TRPC4: variants seen among roughly 807,000 people sequenced by gnomAD.
TRPC4 encodes the protein short transient receptor potential channel 4.
Under a neutral mutation model 99.4 loss-of-function variants are expected in TRPC4, and 49 were observed. That is an observed-to-expected ratio of 0.49 (90% CI 0.39 to 0.63). The LOEUF is 0.63. TRPC4 is among the 20% of genes least tolerant of loss of function. The pLI, the probability that TRPC4 is intolerant of heterozygous loss-of-function variation, is 0.00. For synonymous variants in TRPC4, 454 were observed against 425.9 expected (o/e 1.07, Z -0.81); for missense variants, 898 against 1,152.9 (o/e 0.78, Z 3.20).
intron 1 of TRPC4, among the ~76,000 whole-genome samples, chr13:37,848,738 G>A (rs1958978119): frequency 6.6e-6 from 1 of 152,120 alleles, no homozygotes; most frequent in African/African-American, 2.4e-5. Flanking sequence ...TGAGAAGGTG[G>A]TCCTGGTCAT....
chr13:37,712,267 A>G (rs538514954), intron 3 of TRPC4, among the ~76,000 whole-genome samples: 1 of 152,202 alleles, frequency 6.6e-6, no homozygotes, highest in East Asian at 1.9e-4. Flanking sequence ...GCTTTTCACT[A>G]TTACCCAATG....
chr13:37,687,746 T>C (rs765643616), intron 4 of TRPC4, among the ~76,000 whole-genome samples: 2 of 152,236 alleles, frequency 1.3e-5, no homozygotes, highest in Non-Finnish European at 2.9e-5. Flanking sequence ...TCTCTGATCT[T>C]CTAGCCTCGA....
rs1164443026 is a variant in TRPC4 at position 37,817,718 on chromosome 13, C to CA, written c.-27-34359dup. 3.4e-3 allele frequency among the ~76,000 whole-genome samples: 510 copies of CA among 149,222 alleles called. 2 individuals carry two copies. The highest frequency in any genetic ancestry group is 0.012 in the African/African-American group (480 of 40,730). On this transcript the variant is annotated intron_variant, in intron 1 of 10. Coordinates refer to ENST00000379705, the MANE Select transcript of TRPC4 (RefSeq NM_016179.4). ...AGAACAATGGAACAGAATAAAGAAC[C>CA]AAAAAAAAAGGCTGCACACCTACAA...
chr13:37,803,104 C>G (rs780680064), intron 1 of TRPC4, among the ~76,000 whole-genome samples: 3 of 151,842 alleles, frequency 2.0e-5, no homozygotes, highest in Non-Finnish European at 2.9e-5. Context: ...CCATTGGGAG[C>G]TTTTTCAGGT....
chr13:37,863,285 A>G (rs961605451), intron 1 of TRPC4, among the ~76,000 whole-genome samples: 5 of 151,634 alleles, frequency 3.3e-5, no homozygotes, highest in African/African-American at 9.7e-5. Flanking sequence ...AAATCTAACC[A>G]TTTTATAGGG....
intron 4 of TRPC4, among the ~76,000 whole-genome samples, chr13:37,684,095 G>A (rs1566093780): frequency 1.3e-5 from 2 of 152,100 alleles, no homozygotes; most frequent in African/African-American, 2.4e-5. Context: ...TTGACTTCCA[G>A]AATTGTTTCT....
chr13:37,641,210 ATT>A (rs1235171061), intron 8 of TRPC4, among the ~76,000 whole-genome samples: 1 of 152,172 alleles, frequency 6.6e-6, no homozygotes, highest in African/African-American at 2.4e-5. Context: ...CAAAGACTAC[ATT>A]TTAAATGGTA....
chr13:37,667,433 A>T (rs1952682548), intron 5 of TRPC4, among the ~76,000 whole-genome samples: 1 of 152,096 alleles, frequency 6.6e-6, no homozygotes, highest in African/African-American at 2.4e-5. Flanking sequence ...CAGCCTCCTG[A>T]GTAGCTGGGA....
intron 1 of TRPC4, among the ~76,000 whole-genome samples, chr13:37,826,894 C>T (rs368555043): frequency 2.0e-5 from 3 of 152,132 alleles, no homozygotes; most frequent in African/African-American, 4.8e-5. Flanking sequence ...ATTCTCTCCA[C>T]CACTTTCAGG....
At chr13:37,840,349 C>T (rs1347429449) in intron 1 of TRPC4, among the ~76,000 whole-genome samples, 1 of 152,050 alleles carries the variant, frequency 6.6e-6, no homozygotes, top group Admixed American at 6.6e-5. Context: ...AGTATTTAGA[C>T]AGTTACAAAC....
At chr13:37,773,670 T>G (rs1266456703) in intron 2 of TRPC4, among the ~76,000 whole-genome samples, 1 of 151,738 alleles carries the variant, frequency 6.6e-6, no homozygotes, top group Admixed American at 6.6e-5. Flanking sequence ...TGAAAGAACT[T>G]ACCACAAGGG....
At chr13:37,845,653 G>C (rs1358460045) in intron 1 of TRPC4, among the ~76,000 whole-genome samples, 1 of 149,934 alleles carries the variant, frequency 6.7e-6, no homozygotes, top group Non-Finnish European at 1.5e-5. Context: ...GAATGAAGAG[G>C]GTCTATAGGA....
chr13:37,854,071 A>T (rs534857380), intron 1 of TRPC4, among the ~76,000 whole-genome samples: 7 of 152,146 alleles, frequency 4.6e-5, no homozygotes, highest in African/African-American at 1.7e-4. Flanking sequence ...ACATTCAAGT[A>T]AAAGGTTATA....
chr13:37,767,548 G>C (rs375468480), intron 2 of TRPC4, among the ~76,000 whole-genome samples: 35 of 151,244 alleles, frequency 2.3e-4, no homozygotes, highest in African/African-American at 8.2e-4. Flanking sequence ...AAAATATTAG[G>C]CAGCATTGTC....
At chr13:37,705,292 C>T (rs568688941) in intron 3 of TRPC4, among the ~76,000 whole-genome samples, 7 of 151,978 alleles carry the variant, frequency 4.6e-5, no homozygotes, top group East Asian at 3.9e-4. Context: ...TACCAGGGGC[C>T]GGATGGTGGG....
chr13:37,830,258 A>C (rs1958380009), intron 1 of TRPC4, among the ~76,000 whole-genome samples: 1 of 152,200 alleles, frequency 6.6e-6, no homozygotes. Context: ...CTGCACCATT[A>C]AAAATATTAA....
chr13:37,707,933 C>A (rs933806644), intron 3 of TRPC4, among the ~76,000 whole-genome samples: 2 of 152,066 alleles, frequency 1.3e-5, no homozygotes, highest in South Asian at 4.1e-4. Flanking sequence ...AGGAACTGTG[C>A]CTTTTCACTT....
chr13:37,751,195 C>T (rs960245391), intron 2 of TRPC4, among the ~76,000 whole-genome samples: 8 of 152,166 alleles, frequency 5.3e-5, no homozygotes, highest in South Asian at 2.1e-4. Flanking sequence ...ACTCAGCATA[C>T]GACATGGCTT....
chr13:37,677,966 T>C (rs1377119510), intron 4 of TRPC4, among the ~76,000 whole-genome samples: 1 of 152,030 alleles, frequency 6.6e-6, no homozygotes, highest in East Asian at 1.9e-4. Flanking sequence ...CAATCAATAA[T>C]TAAATGTACC....
Sources: gnomAD v4.1 joint callset for allele counts (sites outside exome capture counted in the v4.1 genomes callset) on GRCh38, gnomAD v4.1.1 for gene constraint, MANE v1.5 for transcripts, NCBI Gene and HGNC (gene_info 2026-07-23, HGNC 2026-07-21) for gene names.